PMFBP1: variants seen among roughly 807,000 people sequenced by gnomAD.
The protein encoded by PMFBP1 is polyamine modulated factor 1 binding protein 1, also known as polyamine-modulated factor 1-binding protein 1.
Under a neutral mutation model 137.8 loss-of-function variants are expected in PMFBP1, and 131 were observed. The ratio of observed to expected loss-of-function variants is 0.95; its 90% CI spans 0.82 to 1.10. The LOEUF (loss-of-function observed/expected upper bound fraction) is 1.10, where lower values mean the gene tolerates loss of function less well. Among genes scored for constraint, PMFBP1 ranks in the 50% least tolerant of loss-of-function variants. PMFBP1 has a pLI of 0.00. For synonymous variants in PMFBP1, 490 were observed against 450.4 expected (o/e 1.09, Z -1.11); for missense variants, 1,199 against 1,175.4 (o/e 1.02, Z -0.29).
chr16:72,164,482 A>G lies in PMFBP1; in HGVS notation c.165+282T>C, dbSNP rs192968197. The G allele has an allele frequency of 3.5e-6, 5 of 1,417,352 alleles. No individual in the cohort carries two copies. The East Asian group carries it at 1.0e-4, about 28-fold the overall frequency. 87.8% of individuals were successfully genotyped at this position (1,417,352 alleles called of 1,614,324 possible). ...ACTATGATCTGATATTTTCAGGGCAATGAGCTGTAAATACAGGTGTGAAAG... is the reference window on the plus strand; with the variant it reads ...ACTATGATCTGATATTTTCAGGGCAGTGAGCTGTAAATACAGGTGTGAAAG... On this transcript the variant is annotated intron_variant, in intron 3 of 20. Coordinates refer to ENST00000237353, the MANE Select transcript of PMFBP1 (RefSeq NM_031293.3).
At chr16:72,195,234 C>T in the PMFBP1 span, among the ~76,000 whole-genome samples, 1 of 152,188 alleles carries the variant, frequency 6.6e-6, no homozygotes, top group Admixed American at 6.5e-5. Context: ...GTCATCTTTG[C>T]ACCAGATTGT....
At chr16:72,216,876 T>C in the PMFBP1 span, among the ~76,000 whole-genome samples, 1 of 152,228 alleles carries the variant, frequency 6.6e-6, no homozygotes, top group African/African-American at 2.4e-5. Context: ...CTTGCTTCGC[T>C]GCAGTATAAG....
chr16:72,156,317 C>T (rs976444705), intron 3 of PMFBP1, among the ~76,000 whole-genome samples: 4 of 149,914 alleles, frequency 2.7e-5, no homozygotes, highest in South Asian at 2.2e-4. Flanking sequence ...ATCCAGGTTG[C>T]GGCAAGAATC....
At chr16:72,249,197 C>G in the PMFBP1 span, among the ~76,000 whole-genome samples, 1 of 151,966 alleles carries the variant, frequency 6.6e-6, no homozygotes, top group African/African-American at 2.4e-5. Context: ...GTAGGTGCCT[C>G]CATTTCAGTG....
At chr16:72,220,854 G>A in the PMFBP1 span, among the ~76,000 whole-genome samples, 1 of 152,140 alleles carries the variant, frequency 6.6e-6, no homozygotes, top group Non-Finnish European at 1.5e-5. Context: ...TCTTCCAGTT[G>A]CATTTTTCCC....
At chr16:72,212,328 T>C in the PMFBP1 span, among the ~76,000 whole-genome samples, 17 of 152,196 alleles carry the variant, frequency 1.1e-4, no homozygotes, top group Admixed American at 1.1e-3. Flanking sequence ...CAAGATGTAA[T>C]AGAAAATAAG....
chr16:72,136,435 T>G lies in PMFBP1; in HGVS notation c.1203+13A>C, dbSNP rs755511290. 1 of 1,611,248 alleles carries G rather than the reference T, an allele frequency of 6.2e-7. No individual in the cohort carries two copies. The highest frequency in any genetic ancestry group is 8.5e-7 in the Non-Finnish European group (1 of 1,178,674). On this transcript the variant is annotated intron_variant, in intron 9 of 20. Transcript: ENST00000237353. The stretch of plus-strand genomic sequence containing the variant: ...GCCCCATTGGGAACCCCAACCAGAG[T>G]TCCTCACTTTACCTTGTCTTTCTTC...
chr16:72,210,949 G>A, the PMFBP1 span, among the ~76,000 whole-genome samples: 1 of 152,288 alleles, frequency 6.6e-6, no homozygotes, highest in East Asian at 1.9e-4. Context: ...ATGCCAGAAG[G>A]GGCTAGAAAT....
intron 5 of PMFBP1, among the ~76,000 whole-genome samples, chr16:72,149,374 C>T (rs1274656128): frequency 6.6e-6 from 1 of 152,120 alleles, no homozygotes; most frequent in Non-Finnish European, 1.5e-5. Flanking sequence ...TAAAAATAAG[C>T]ATATCCTTTG....
At chr16:72,191,799 G>A in the PMFBP1 span, among the ~76,000 whole-genome samples, 2 of 152,166 alleles carry the variant, frequency 1.3e-5, no homozygotes, top group Non-Finnish European at 1.5e-5. Context: ...TGTCCTGGCA[G>A]GCACCCAGCT....
rs1369427928 is a variant in PMFBP1 at position 72,123,590 on chromosome 16, A to C, written c.2649T>G (p.Asn883Lys). The C allele has an allele frequency of 6.2e-7, 1 of 1,614,108 alleles. No individual in the cohort carries two copies. The highest frequency in any genetic ancestry group is 1.1e-5 in the South Asian group (1 of 91,082). The change falls in exon 18 of 21, where the codon AAT (asparagine) becomes AAG (lysine). Residue 883 changes from asparagine to lysine, a missense_variant. Asn to Lys is a moderately conservative substitution (Grantham distance 94). Transcript: ENST00000237353. Reference sequence around the variant, plus strand: ...GCTCCAAGTTGGTCATAATCTGATCATTCCCTCGGTAGAGCCTACAGGTGT... The same window carrying C: ...GCTCCAAGTTGGTCATAATCTGATCCTTCCCTCGGTAGAGCCTACAGGTGT... ...PKDTCRLYRG[N>K]DQIMTNLEQW...
chr16:72,139,504 G>C, intron 6 of PMFBP1, 105 bp from the exon 7 acceptor site: 1 of 914,130 alleles, frequency 1.1e-6, no homozygotes, highest in Non-Finnish European at 1.7e-6. Flanking sequence ...GTTTGTTGCA[G>C]AATTATACAA....
the PMFBP1 span, among the ~76,000 whole-genome samples, chr16:72,209,436 A>C: frequency 6.6e-6 from 1 of 152,010 alleles, no homozygotes; most frequent in Non-Finnish European, 1.5e-5. Context: ...ATATATAGTT[A>C]TCTATATATC....
the PMFBP1 span, among the ~76,000 whole-genome samples, chr16:72,246,974 C>A: frequency 5.6e-3 from 847 of 152,238 alleles, 13 homozygotes; most frequent in African/African-American, 0.018. Flanking sequence ...AATGAGCTTA[C>A]TGTTTTCACA....
upstream of PMFBP1, chr16:72,176,976 T>C (rs1218217711): frequency 6.6e-5 from 10 of 152,244 alleles, no homozygotes; most frequent in Admixed American, 1.3e-4. Context: ...GTCAGTTCTT[T>C]GTGTTCACTT....
At chr16:72,117,498 TTTTA>T (rs2042320237), downstream of PMFBP1, among the ~76,000 whole-genome samples, 1 of 152,178 alleles carries the variant, frequency 6.6e-6, no homozygotes, top group Admixed American at 6.5e-5. Flanking sequence ...TTTGAATCCC[TTTTA>T]TTTCTTTTTC....
the PMFBP1 span, among the ~76,000 whole-genome samples, chr16:72,207,410 C>A: frequency 6.6e-6 from 1 of 152,012 alleles, no homozygotes; most frequent in Non-Finnish European, 1.5e-5. Flanking sequence ...TTGAGAGAAA[C>A]AATATTCAGA....
At chr16:72,174,337 C>A (rs74462243), upstream of PMFBP1, among the ~76,000 whole-genome samples, 2 of 152,194 alleles carry the variant, frequency 1.3e-5, no homozygotes, top group African/African-American at 4.8e-5. Flanking sequence ...GAAAGCACCA[C>A]GACTTTCAGG....
At chr16:72,231,297 A>G in the PMFBP1 span, among the ~76,000 whole-genome samples, 1 of 152,176 alleles carries the variant, frequency 6.6e-6, no homozygotes, top group Non-Finnish European at 1.5e-5. Flanking sequence ...TCTCCTCTCA[A>G]AATGACACAT....
Sources: allele counts gnomAD v4.1 joint callset (sites outside exome capture counted in the v4.1 genomes callset), GRCh38; gene constraint gnomAD v4.1.1; transcripts MANE v1.5; gene names NCBI Gene and HGNC (gene_info 2026-07-23, HGNC 2026-07-21).